The following STXBP5L variants were observed in gnomAD, a reference collection of about 807,000 sequenced individuals.
STXBP5L encodes the protein syntaxin-binding protein 5-like.
STXBP5L carries 65 observed loss-of-function variants against 144.5 expected under a neutral mutation model. The ratio of observed to expected loss-of-function variants is 0.45; its 90% CI spans 0.37 to 0.55. The LOEUF (loss-of-function observed/expected upper bound fraction) is 0.55, where lower values mean the gene tolerates loss of function less well. Ranked by LOEUF, STXBP5L falls within the 20% of genes least tolerant of loss-of-function variation. STXBP5L has a pLI of 0.00. For missense variants in STXBP5L, 1,298 were observed against 1,405.5 expected (o/e 0.92, Z 1.22); for synonymous variants, 505 against 469.6 (o/e 1.08, Z -0.97).
intron 10 of STXBP5L, among the ~76,000 whole-genome samples, chr3:121,215,990 A>G (rs1019865544): frequency 9.2e-5 from 14 of 152,144 alleles, no homozygotes; most frequent in African/African-American, 3.4e-4. Context: ...TCACTTATCA[A>G]TTTGGCTATT....
intron 3 of STXBP5L, among the ~76,000 whole-genome samples, chr3:121,004,487 C>T (rs1412348925): frequency 1.3e-5 from 2 of 151,682 alleles, no homozygotes; most frequent in South Asian, 2.1e-4. Context: ...ACAATCATGT[C>T]GTCTGCAAAC....
intron 19 of STXBP5L, among the ~76,000 whole-genome samples, chr3:121,307,884 C>A (rs1348383598): frequency 1.3e-5 from 2 of 151,838 alleles, no homozygotes; most frequent in Non-Finnish European, 2.9e-5. Context: ...TCATAGTAAA[C>A]ATGCTGAAAC....
intron 5 of STXBP5L, among the ~76,000 whole-genome samples, chr3:121,087,019 G>C (rs1013260272): frequency 4.0e-5 from 6 of 151,866 alleles, no homozygotes; most frequent in Non-Finnish European, 2.9e-5. Context: ...CTGATTTCTA[G>C]TTTGATTCCA....
chr3:120,971,529 A>G (rs1338862078), intron 3 of STXBP5L, among the ~76,000 whole-genome samples: 2 of 151,694 alleles, frequency 1.3e-5, no homozygotes, highest in African/African-American at 4.8e-5. Flanking sequence ...TCTATTTCTG[A>G]GTCATTTCAC....
At chr3:121,340,976 A>G (rs537337679) in intron 20 of STXBP5L, among the ~76,000 whole-genome samples, 3 of 152,250 alleles carry the variant, frequency 2.0e-5, no homozygotes, top group South Asian at 4.1e-4. Flanking sequence ...TGCAAGTCTC[A>G]TGGTAACCTC....
chr3:121,339,652 A>G (rs1376688777), intron 20 of STXBP5L, among the ~76,000 whole-genome samples: 1 of 152,130 alleles, frequency 6.6e-6, no homozygotes, highest in East Asian at 1.9e-4. Flanking sequence ...TTGTGTAACT[A>G]GAAAAACCTA....
intron 20 of STXBP5L, among the ~76,000 whole-genome samples, chr3:121,373,922 CAAG>C (rs2108666923): frequency 6.6e-6 from 1 of 152,294 alleles, no homozygotes; most frequent in East Asian, 1.9e-4. Flanking sequence ...CCCAGGGACT[CAAG>C]GAGCAGGCCA....
chr3:121,090,119 AG>A (rs1206707900), intron 5 of STXBP5L, among the ~76,000 whole-genome samples: 1 of 152,096 alleles, frequency 6.6e-6, no homozygotes, highest in East Asian at 1.9e-4. Flanking sequence ...TATTATAATA[AG>A]TGATTTTTAA....
intron 5 of STXBP5L, among the ~76,000 whole-genome samples, chr3:121,096,570 T>C (rs1050442766): frequency 6.6e-6 from 1 of 152,178 alleles, no homozygotes; most frequent in Non-Finnish European, 1.5e-5. Context: ...TTCTGTTTGT[T>C]AGTTTTTCTT....
intron 20 of STXBP5L, among the ~76,000 whole-genome samples, chr3:121,329,379 G>A (rs1026605653): frequency 1.3e-5 from 2 of 152,168 alleles, no homozygotes; most frequent in East Asian, 3.9e-4. Flanking sequence ...GCATGTGGGA[G>A]CAAGAACTAG....
chr3:121,065,217 AT>A (rs1560081812), intron 5 of STXBP5L, among the ~76,000 whole-genome samples: 1 of 152,138 alleles, frequency 6.6e-6, no homozygotes, highest in Non-Finnish European at 1.5e-5. Context: ...GGCAGATGAC[AT>A]TTTGGTAGAA....
Position 121,237,725 on chromosome 3 carries a change from T to TTTAGTGTAA in STXBP5L, c.1185-1246_1185-1245insTTAGTGTAA, listed in dbSNP as rs2049527310. Among the ~76,000 whole-genome samples, 4 of 152,342 alleles carry TTTAGTGTAA rather than the reference T, an allele frequency of 2.6e-5. No individual in the cohort carries two copies. In the South Asian group the frequency reaches 8.3e-4, roughly 32 times the overall value. ...TAGTGTAAGCTGTTAAAAGTAACAA[T>TTTAGTGTAA]GCCACTTCTTGAGCACTTTGCTGCT... On this transcript the variant is annotated intron_variant, in intron 12 of 26. Transcript: ENST00000471454.
rs1316022637 is a variant in STXBP5L, at chr3:121,418,399, A to G, written c.3289A>G (p.Ser1097Gly). ...SLAQHIPGPG[S>G]IEGMKGAAGG... ...TGCGCAACACATTCCTGGACCAGGT[A>G]GTATAGAAGGGATGAAAGGCGCTGC... Residue 1097 changes from serine (S) to glycine (G), a missense_variant, in exon 26 of 27, where the codon AGT becomes GGT. By Grantham distance (56) the Ser-to-Gly change is moderately conservative (BLOSUM62 0). Coordinates refer to ENST00000471454, the MANE Select transcript of STXBP5L (RefSeq NM_001308330.2). The G allele has an allele frequency of 6.2e-7, 1 of 1,614,042 alleles. No individual in the cohort carries two copies. The highest frequency in any genetic ancestry group is 2.2e-5 in the East Asian group (1 of 44,860).
At chr3:121,293,211 GAA>G (rs1179502628) in intron 19 of STXBP5L, among the ~76,000 whole-genome samples, 1 of 151,516 alleles carries the variant, frequency 6.6e-6, no homozygotes, top group African/African-American at 2.4e-5. Flanking sequence ...AAATAATCAG[GAA>G]AAAAAAGGAC....
chr3:121,174,582 C>T (rs1577117412), intron 9 of STXBP5L, among the ~76,000 whole-genome samples: 1 of 152,082 alleles, frequency 6.6e-6, no homozygotes, highest in Non-Finnish European at 1.5e-5. Flanking sequence ...TTGCTTAGGG[C>T]GGACACCCTT....
chr3:121,354,373 G>T (rs559135529), intron 20 of STXBP5L, among the ~76,000 whole-genome samples: 1 of 152,090 alleles, frequency 6.6e-6, no homozygotes, highest in Non-Finnish European at 1.5e-5. Flanking sequence ...TCTTGTAGTG[G>T]GTGCATATAT....
chr3:121,289,340 C>T lies in STXBP5L; in HGVS notation c.2110+9384C>T, dbSNP rs76595436. 8.7e-3 allele frequency among the ~76,000 whole-genome samples: 1,323 copies of T among 152,104 alleles called. 17 individuals carry two copies. Among genetic ancestry groups the T allele is most frequent in the African/African-American group, 0.029 (1,190 of 41,480 alleles). ...AAATATGATAAAAGGACTAGTCCAA[C>T]GGGAAAATATAACAATTCTAGATTT... On this transcript the variant is annotated intron_variant, in intron 19 of 26. Transcript: ENST00000471454.
At chr3:121,016,351 A>G (rs1268234619) in intron 3 of STXBP5L, among the ~76,000 whole-genome samples, 1 of 152,248 alleles carries the variant, frequency 6.6e-6, no homozygotes, top group Non-Finnish European at 1.5e-5. Flanking sequence ...TGTAGAGATT[A>G]GACAAAATGT....
At chr3:120,996,437 A>G (rs1943355713) in intron 3 of STXBP5L, among the ~76,000 whole-genome samples, 1 of 152,104 alleles carries the variant, frequency 6.6e-6, no homozygotes, top group Non-Finnish European at 1.5e-5. Context: ...TTGTCTTCAT[A>G]TACTCACATA....
Sources: allele counts gnomAD v4.1 joint callset (sites outside exome capture counted in the v4.1 genomes callset), GRCh38; gene constraint gnomAD v4.1.1; transcripts MANE v1.5; gene names NCBI Gene and HGNC (gene_info 2026-07-23, HGNC 2026-07-21).